ELN: variants seen among roughly 807,000 people sequenced by gnomAD.
ELN encodes the protein tropoelastin.
In ELN, 65 loss-of-function variants were observed where a neutral mutation model predicts 105.8. That is an observed-to-expected ratio of 0.61 (90% CI 0.50 to 0.75). ELN has a LOEUF of 0.75. Among genes scored for constraint, ELN ranks in the 30% least tolerant of loss-of-function variants. The probability of loss-of-function intolerance (pLI) is 0.00; values close to 1 mark genes in which losing one functional copy is unlikely to be tolerated. For synonymous variants in ELN, 368 were observed against 389.2 expected (o/e 0.95, Z 0.64); for missense variants, 882 against 969.4 (o/e 0.91, Z 1.20).
Position 74,046,175 on chromosome 7 carries a change from T to C in ELN, c.542-13T>C, listed in dbSNP as rs377554059. On this transcript the variant is annotated splice_polypyrimidine_tract_variant and intron_variant, in intron 10 of 32. Transcript: ENST00000252034. ...AGTTCCAGGGCTGTAGTGACAGCTT[T>C]TTATCATTACAGGTGTAGGTGGAGC... The C allele has an allele frequency of 6.2e-7, 1 of 1,614,118 alleles. No individual in the cohort carries two copies. The highest frequency in any genetic ancestry group is 8.5e-7 in the Non-Finnish European group (1 of 1,180,050).
At chr7:74,035,316 CT>C (rs782617573) in intron 1 of ELN, 47 bp from the exon 2 acceptor site, 1 of 1,609,124 alleles carries the variant, frequency 6.2e-7, no homozygotes, top group Non-Finnish European at 8.5e-7. Context: ...TTGCACCAGC[CT>C]AATAGTTCTG....
At chr7:74,068,471 C>T (rs1329725015) in intron 32 of ELN, among the ~76,000 whole-genome samples, 186 bp from the exon 33 acceptor site, 2 of 152,218 alleles carry the variant, frequency 1.3e-5, no homozygotes, top group East Asian at 3.9e-4. Context: ...ATCTTGGGGG[C>T]TTCTCCCGCC....
chr7:74,041,123 G>T (rs1482426423), intron 4 of ELN, 93 bp from the exon 5 acceptor site: 1 of 1,555,430 alleles, frequency 6.4e-7, no homozygotes, highest in Non-Finnish European at 8.9e-7. Context: ...GACCTGAGTG[G>T]CTGATCACAG....
rs782621364 is a variant in ELN, at chr7:74,063,702, G to C, written c.1993+7G>C. 16 of 1,613,956 alleles carry C rather than the reference G, an allele frequency of 9.9e-6. No homozygotes were observed. Among genetic ancestry groups the C allele is most frequent in the Admixed American group, 1.7e-5 (1 of 60,000 alleles). On this transcript the variant is annotated splice_region_variant and intron_variant, in intron 29 of 32. Transcript: ENST00000252034. The surrounding 1 kb of genome is among the most constrained non-coding windows in gnomAD (Gnocchi z 4.1). The stretch of plus-strand genomic sequence containing the variant: ...GGTGTTGGGGGCCTTGGAGGTGAGA[G>C]TTGTTCTGAAATCAGTGAGTGTGTG...
chr7:74,034,132 G>A (rs912326545), intron 1 of ELN, among the ~76,000 whole-genome samples: 32 of 152,198 alleles, frequency 2.1e-4, no homozygotes, highest in African/African-American at 7.5e-4. Context: ...GACAGCCCGT[G>A]TCAGACGGCC....
chr7:74,048,507 T>C lies in ELN; in HGVS notation c.750T>C (p.Val250=), dbSNP rs782592685. The C allele has an allele frequency of 2.5e-6, 4 of 1,613,922 alleles. No individual in the cohort carries two copies. The Admixed American group carries it at 6.7e-5, about 27-fold the overall frequency. ...CCCTCTGCTTCCTTCCCCCAGGGGT[T>C]GGCCCCCAGGCAGCAGCAGCAGCGG... ...GKAGYPTGTG[V]GPQAAAAAAA... is the part of the protein sequence containing the mutation. Residue 250 remains valine (V), a synonymous_variant, in exon 15 of 33, where the codon GTT becomes GTC. Transcript: ENST00000252034.
chr7:74,065,126 G>A (rs1230664045), intron 29 of ELN, among the ~76,000 whole-genome samples: 3 of 152,074 alleles, frequency 2.0e-5, no homozygotes, highest in African/African-American at 4.8e-5. Context: ...GTGTGTGCCT[G>A]TAGTTTCAGC....
In ELN at chr7:74,037,917, G is replaced by A. The variant is rs1372314040; in HGVS notation, c.196+178G>A. 3 of 867,210 alleles carry A rather than the reference G, an allele frequency of 3.5e-6. No homozygotes were observed. In the African/African-American group the frequency reaches 5.1e-5, roughly 15 times the overall value. 53.7% of individuals were successfully genotyped at this position (867,210 alleles called of 1,614,324 possible). ...CCAAGGATGAGTAGGCCGGGGCCAG[G>A]TCCCAGGGCTTCCAGGAACAAGAGG... On this transcript the variant is annotated intron_variant, in intron 4 of 32. Transcript: ENST00000252034.
At chr7:74,035,482 A>G (rs1789712116) in intron 2 of ELN, 68 bp downstream of exon 2, 1 of 1,578,760 alleles carries the variant, frequency 6.3e-7, no homozygotes, top group Non-Finnish European at 8.7e-7. Flanking sequence ...ATAGATGCAC[A>G]TTTTGACACT....
chr7:74,049,639 T>G (rs1793444198), intron 15 of ELN, among the ~76,000 whole-genome samples: 1 of 145,750 alleles, frequency 6.9e-6, no homozygotes, highest in African/African-American at 2.5e-5. Context: ...CCACCATCTA[T>G]TCCTCCATGC....
rs781847456 is a variant in ELN at position 74,042,967 on chromosome 7, C to T, written c.326-17C>T. 7.4e-6 allele frequency: 12 copies of T among 1,613,996 alleles called. No individual in the cohort carries two copies. The African/African-American group carries it at 1.6e-4, about 22-fold the overall frequency. On this transcript the variant is annotated splice_polypyrimidine_tract_variant and intron_variant, in intron 6 of 32. Coordinates refer to ENST00000252034, the MANE Select transcript of ELN (RefSeq NM_000501.4). ...CACTGTTCCTTACGCAATGCCTCAC[C>T]TGTCCTGGCTCTGCAGGCGCTGGGC...
At chr7:74,035,067 C>G (rs1247625167) in intron 1 of ELN, among the ~76,000 whole-genome samples, 1 of 152,246 alleles carries the variant, frequency 6.6e-6, no homozygotes, top group Non-Finnish European at 1.5e-5. Context: ...CACCACTGCA[C>G]TCCAGCCTGG....
At chr7:74,045,694 G>T (rs1246719286) in intron 10 of ELN, 2 of 345,098 alleles carry the variant, frequency 5.8e-6, no homozygotes, top group Non-Finnish European at 1.1e-5. Flanking sequence ...CGTGAGCTAT[G>T]ATCACACCAC....
At chr7:74,033,750 G>T (rs1389410439) in intron 1 of ELN, among the ~76,000 whole-genome samples, 2 of 152,184 alleles carry the variant, frequency 1.3e-5, no homozygotes, top group African/African-American at 4.8e-5. Flanking sequence ...ACGTCTGGCC[G>T]CGAGGCCTCC....
In ELN at chr7:74,056,659, CG is replaced by C. The variant is rs1563838773; in HGVS notation, c.1316-12del. On this transcript the variant is annotated splice_polypyrimidine_tract_variant and intron_variant, in intron 20 of 32. Transcript: ENST00000252034. The stretch of plus-strand genomic sequence containing the variant: ...GGCTTCTGAGGGTCTCTTTCTTTCT[CG>C]TTTCCTTGTAGCCGAAGCTCAGGCA... 6.2e-7 allele frequency: 1 copy of C among 1,613,812 alleles called. No individual in the cohort carries two copies. Among genetic ancestry groups the C allele is most frequent in the South Asian group, 1.1e-5 (1 of 91,060 alleles).
In ELN at chr7:74,035,397, G is replaced by A. The variant is rs1204787574; in HGVS notation, c.116G>A (p.Gly39Glu). 2 of 1,614,106 alleles carry A rather than the reference G, an allele frequency of 1.2e-6. No homozygotes were observed. The highest frequency in any genetic ancestry group is 8.5e-7 in the Non-Finnish European group (1 of 1,180,006). Residue 39 changes from glycine (G) to glutamate (E), a missense_variant, in exon 2 of 33, where the codon GGA (glycine) becomes GAA (glutamate). Physicochemically the swap from Gly to Glu is moderately conservative, Grantham distance 98. Coordinates refer to ENST00000252034, the MANE Select transcript of ELN (RefSeq NM_000501.4). ...VPGAIPGGVP[G>E]GVFYPGAGLG... ...GGGGCCATTCCTGGTGGAGTTCCTG[G>A]AGGAGTCTTTTATCCAGGTAACGTA...
intron 15 of ELN, 88 bp downstream of exon 15, chr7:74,048,644 G>T: frequency 4.6e-6 from 7 of 1,523,454 alleles, no homozygotes; most frequent in Non-Finnish European, 6.3e-6. Flanking sequence ...CTCCAAAGTG[G>T]CCCCTACATA....
chr7:74,053,822 G>A (rs190770128), intron 18 of ELN, among the ~76,000 whole-genome samples: 2 of 151,900 alleles, frequency 1.3e-5, no homozygotes, highest in African/African-American at 2.4e-5. Flanking sequence ...GTAGGTGAGT[G>A]GATGTGTGGG....
At chr7:74,052,803 A>G (rs1554677039) in intron 17 of ELN, 3 of 269,056 alleles carry the variant, frequency 1.1e-5, no homozygotes, top group African/African-American at 6.9e-5. Context: ...AAGGGAAAGG[A>G]AGGAAGGAAG....
Sources: gnomAD v4.1 joint callset for allele counts (sites outside exome capture counted in the v4.1 genomes callset) on GRCh38, gnomAD v4.1.1 for gene constraint, Gnocchi (gnomAD v3.1) non-coding constraint, MANE v1.5 for transcripts, NCBI Gene and HGNC (gene_info 2026-07-23, HGNC 2026-07-21) for gene names.